GRB10: variants seen among roughly 807,000 people sequenced by gnomAD.
The protein encoded by GRB10 is growth factor receptor bound protein 10.
A neutral mutation model predicts 80.9 loss-of-function variants in GRB10; 20 were observed. That is an observed-to-expected ratio of 0.25 (90% CI 0.17 to 0.36). The LOEUF is 0.36. Ranked by LOEUF, GRB10 falls within the 10% of genes least tolerant of loss-of-function variation. The probability of loss-of-function intolerance (pLI) is 1.00; values close to 1 mark genes in which losing one functional copy is unlikely to be tolerated. For missense variants in GRB10, 548 were observed against 747.7 expected (o/e 0.73, Z 3.12); for synonymous variants, 291 against 291.5 (o/e 1.00, Z 0.02).
intron 4 of GRB10, among the ~76,000 whole-genome samples, chr7:50,711,476 C>T (rs575895971): frequency 5.9e-5 from 9 of 152,314 alleles, no homozygotes; most frequent in African/African-American, 2.2e-4. Flanking sequence ...TGCAGATGAA[C>T]ATGTGAACTG....
chr7:50,680,635 A>G (rs1480579132), intron 5 of GRB10, among the ~76,000 whole-genome samples: 1 of 152,166 alleles, frequency 6.6e-6, no homozygotes, highest in Non-Finnish European at 1.5e-5. Context: ...AAGCATATTC[A>G]AAGTTTGTGA....
intron 5 of GRB10, among the ~76,000 whole-genome samples, chr7:50,694,707 C>T (rs2063233375): frequency 6.6e-6 from 1 of 152,186 alleles, no homozygotes; most frequent in South Asian, 2.1e-4. Context: ...GCACTGAACT[C>T]AGGGGTCTCA....
intron 2 of GRB10, among the ~76,000 whole-genome samples, chr7:50,771,716 G>A (rs1321553792): frequency 6.6e-6 from 1 of 152,170 alleles, no homozygotes; most frequent in South Asian, 2.1e-4. Flanking sequence ...AGAACCCGCA[G>A]CCCAGTAGGA....
chr7:50,612,861 C>T (rs1471581076), intron 12 of GRB10, 22 bp from the exon 13 acceptor site: 5 of 1,533,878 alleles, frequency 3.3e-6, no homozygotes, highest in Non-Finnish European at 4.5e-6. Flanking sequence ...AAAAGAAAGT[C>T]CTGTTAGTGT....
At position 50,595,456 on chromosome 7, in the gene GRB10, T is replaced by G; in HGVS notation, c.1619A>C (p.Lys540Thr). The G allele has an allele frequency of 6.3e-7, 1 of 1,596,828 alleles. No individual in the cohort carries two copies. Among genetic ancestry groups the G allele is most frequent in the Non-Finnish European group, 8.6e-7 (1 of 1,164,308 alleles). The part of the protein sequence containing the change: ...VLTLCHHQKI[K>T]NFQILPCEDD... ...ACTTACAGGTAAGATCTGGAAATTT[T>G]TAATTTTCTGGTGATGACACAGTGT... is the stretch of plus-strand genomic sequence containing the variant. The change falls in exon 18 of 19, where the codon AAA becomes ACA. Residue 540 changes from lysine to threonine, a missense_variant. By Grantham distance (78) the Lys-to-Thr change is moderately conservative. Transcript: ENST00000401949.
At chr7:50,641,526 A>C (rs2056268575) in intron 7 of GRB10, among the ~76,000 whole-genome samples, 1 of 152,194 alleles carries the variant, frequency 6.6e-6, no homozygotes, top group African/African-American at 2.4e-5. Flanking sequence ...CAGATAAGGA[A>C]AAGGACTTTC....
chr7:50,595,811 G>C (rs1246129678), intron 17 of GRB10: 3 of 361,634 alleles, frequency 8.3e-6, no homozygotes, highest in South Asian at 3.0e-5. Flanking sequence ...GGAAACTATA[G>C]GATGAAAAGG....
At chr7:50,595,345 AC>A in intron 18 of GRB10, 91 bp downstream of exon 18, 1 of 785,500 alleles carries the variant, frequency 1.3e-6, no homozygotes, top group Non-Finnish European at 2.3e-6. Context: ...TCTGATACTT[AC>A]CGGTCTTGTC....
At chr7:50,628,946 T>C (rs955737015) in intron 7 of GRB10, among the ~76,000 whole-genome samples, 1 of 152,208 alleles carries the variant, frequency 6.6e-6, no homozygotes, top group African/African-American at 2.4e-5. Flanking sequence ...CTCTGGGTCC[T>C]AGGTAGGAAT....
chr7:50,779,426 C>T (rs2153712862), intron 2 of GRB10: 1 of 152,322 alleles, frequency 6.6e-6, no homozygotes, highest in Middle Eastern at 3.4e-3. Flanking sequence ...AACGTGCCAG[C>T]TCCCTTTAAG....
intron 7 of GRB10, among the ~76,000 whole-genome samples, chr7:50,635,060 G>A (rs907041989): frequency 6.7e-6 from 1 of 148,906 alleles, no homozygotes; most frequent in African/African-American, 2.5e-5. Context: ...TATAGAACAT[G>A]CTACCCAGCA....
At chr7:50,631,746 G>T (rs2054040493) in intron 7 of GRB10, among the ~76,000 whole-genome samples, 1 of 152,228 alleles carries the variant, frequency 6.6e-6, no homozygotes, top group South Asian at 2.1e-4. Flanking sequence ...GGGCCTTGAG[G>T]AGAAAGCAGG....
At chr7:50,722,115 C>G (rs2067851391) in intron 4 of GRB10, among the ~76,000 whole-genome samples, 1 of 152,136 alleles carries the variant, frequency 6.6e-6, no homozygotes, top group South Asian at 2.1e-4. Flanking sequence ...ACCCCAGAGG[C>G]AGGGTGTACC....
At chr7:50,732,428 T>C (rs1156797938) in intron 3 of GRB10, 60 bp from the exon 4 acceptor site, 3 of 1,000,268 alleles carry the variant, frequency 3.0e-6, no homozygotes, top group Non-Finnish European at 4.7e-6. Context: ...ATCCACTACT[T>C]ATGGCTGGTT....
chr7:50,717,785 T>C (rs2067099685), intron 4 of GRB10, among the ~76,000 whole-genome samples: 1 of 152,244 alleles, frequency 6.6e-6, no homozygotes, highest in Non-Finnish European at 1.5e-5. Flanking sequence ...CCTCATTCTC[T>C]GAAATGAGGT....
chr7:50,778,555 G>T (rs1267291691), intron 2 of GRB10, among the ~76,000 whole-genome samples: 1 of 152,234 alleles, frequency 6.6e-6, no homozygotes, highest in African/African-American at 2.4e-5. Context: ...CTTATACACA[G>T]AACAGACTCA....
chr7:50,775,399 C>G (rs991515722), intron 2 of GRB10, among the ~76,000 whole-genome samples: 5 of 152,186 alleles, frequency 3.3e-5, no homozygotes, highest in Admixed American at 1.3e-4. Context: ...CTGCAGCCAA[C>G]TGCTGGGCAC....
rs866455776 is a variant in GRB10, at chr7:50,732,370, T to C, written c.-46-2A>G. Reference sequence around the variant, plus strand: ...ATTACATTTACTGCGCTGCAGCACCTGGAATAAAGACAGACTGTGAGAAGC... The same window carrying C: ...ATTACATTTACTGCGCTGCAGCACCCGGAATAAAGACAGACTGTGAGAAGC... On this transcript the variant is annotated splice_acceptor_variant, in intron 3 of 18. Transcript: ENST00000401949. LOFTEE classifies it low-confidence loss of function (5UTR_SPLICE). 10 of 1,527,074 alleles carry C rather than the reference T, an allele frequency of 6.5e-6. No individual in the cohort carries two copies. The African/African-American group carries it at 8.3e-5, about 13-fold the overall frequency. 94.6% of individuals were successfully genotyped at this position (1,527,074 alleles called of 1,614,324 possible). A position where few individuals can be genotyped will look rare whatever the true frequency, so the allele number is the denominator to read the frequency against.
At chr7:50,702,386 C>T (rs187696670) in intron 5 of GRB10, among the ~76,000 whole-genome samples, 1 of 152,358 alleles carries the variant, frequency 6.6e-6, no homozygotes, top group Admixed American at 6.5e-5. Context: ...CAGCAGCACC[C>T]ATGCCGCTTT....
Sources: gnomAD v4.1 joint callset for allele counts (sites outside exome capture counted in the v4.1 genomes callset) on GRCh38, gnomAD v4.1.1 for gene constraint, MANE v1.5 for transcripts, NCBI Gene and HGNC (gene_info 2026-07-23, HGNC 2026-07-21) for gene names.